HPSE2: variants seen among roughly 807,000 people sequenced by gnomAD.
HPSE2 encodes the protein inactive heparanase-2.
Under a neutral mutation model 60.5 loss-of-function variants are expected in HPSE2, and 38 were observed. That is an observed-to-expected ratio of 0.63 (90% CI 0.48 to 0.82). The LOEUF (loss-of-function observed/expected upper bound fraction) is 0.82. Among genes scored for constraint, HPSE2 ranks in the 40% least tolerant of loss-of-function variants. HPSE2 has a pLI of 0.00. For synonymous variants in HPSE2, 295 were observed against 293.2 expected (o/e 1.01, Z -0.06); for missense variants, 713 against 740.4 (o/e 0.96, Z 0.43).
At chr10:98,747,495 G>A (rs1331735412) in intron 3 of HPSE2, among the ~76,000 whole-genome samples, 2 of 152,148 alleles carry the variant, frequency 1.3e-5, no homozygotes, top group Admixed American at 1.3e-4. Context: ...TTTAAGGCAA[G>A]GCAAAATGTA....
chr10:98,871,674 A>G (rs1952736267), intron 3 of HPSE2, among the ~76,000 whole-genome samples: 1 of 152,076 alleles, frequency 6.6e-6, no homozygotes, highest in African/African-American at 2.4e-5. Flanking sequence ...AGAAGGAAGG[A>G]TTTGGACAGG....
At chr10:98,927,228 G>A (rs1276064974) in intron 3 of HPSE2, among the ~76,000 whole-genome samples, 2 of 152,232 alleles carry the variant, frequency 1.3e-5, no homozygotes, top group South Asian at 2.1e-4. Flanking sequence ...CATTATTAAT[G>A]TGTGGGAGTC....
chr10:98,541,415 T>C (rs1943454007), intron 9 of HPSE2, among the ~76,000 whole-genome samples: 1 of 152,166 alleles, frequency 6.6e-6, no homozygotes, highest in South Asian at 2.1e-4. Flanking sequence ...ATTTCTGCAT[T>C]TCCATCTGAG....
intron 9 of HPSE2, among the ~76,000 whole-genome samples, chr10:98,586,507 T>C (rs1027034333): frequency 2.0e-5 from 3 of 152,254 alleles, no homozygotes; most frequent in Non-Finnish European, 4.4e-5. Flanking sequence ...GGAAACTTAA[T>C]ATCAAATTAT....
intron 5 of HPSE2, among the ~76,000 whole-genome samples, chr10:98,703,868 T>C (rs1014752900): frequency 2.0e-5 from 3 of 152,168 alleles, no homozygotes; most frequent in Non-Finnish European, 4.4e-5. Context: ...AAGACAAGGA[T>C]GCCGTCTCTC....
chr10:99,240,197 GAAAAGAAAAGGAAA>G (rs1343104305), upstream of HPSE2, among the ~76,000 whole-genome samples: 5 of 151,300 alleles, frequency 3.3e-5, no homozygotes, highest in African/African-American at 9.7e-5. Context: ...CTCAAAAAAA[GAAAAGAAAAGGAAA>G]AAAAGAAAAG....
rs550388093 is a variant in HPSE2 at position 99,065,643 on chromosome 10, T to C, written c.610+78595A>G. 4.5e-4 allele frequency among the ~76,000 whole-genome samples: 68 copies of C among 152,224 alleles called. 1 individual carries two copies. The highest frequency in any genetic ancestry group is 1.6e-3 in the African/African-American group (65 of 41,526). The stretch of plus-strand genomic sequence containing the variant: ...ATGATAGAGTTAAGACAGAGTGTTA[T>C]GAAAGAGGAGGTCTAATGAAGTACA... On this transcript the variant is annotated intron_variant, in intron 3 of 11. Coordinates refer to ENST00000370552, the MANE Select transcript of HPSE2 (RefSeq NM_021828.5).
intron 10 of HPSE2, among the ~76,000 whole-genome samples, chr10:98,485,816 G>C (rs759418507): frequency 1.3e-5 from 2 of 152,120 alleles, no homozygotes; most frequent in Non-Finnish European, 2.9e-5. Context: ...TGGAGGAGGA[G>C]AGAGCCACAT....
Position 99,117,417 on chromosome 10 carries a change from G to GAAAAAAAAAAAAAAAAAAAAAAA in HPSE2, c.610+26798_610+26820dup, listed in dbSNP as rs1157232317. ...CAGCAAATCCAAGAGTTGTTTTTTTGAAAAAAAAAAAAAAAAAAAAAAAAA... is the reference window on the plus strand; with the variant it reads ...CAGCAAATCCAAGAGTTGTTTTTTTGAAAAAAAAAAAAAAAAAAAAAAAAAAAAAAAAAAAAAAAAAAAAAAAA... On this transcript the variant is annotated intron_variant, in intron 3 of 11. Coordinates refer to ENST00000370552, the MANE Select transcript of HPSE2 (RefSeq NM_021828.5). 2.0e-4 allele frequency among the ~76,000 whole-genome samples: 5 copies of GAAAAAAAAAAAAAAAAAAAAAAA among 24,802 alleles called. 1 individual carries two copies. Among genetic ancestry groups the GAAAAAAAAAAAAAAAAAAAAAAA allele is most frequent in the African/African-American group, 1.0e-3 (4 of 3,830 alleles). 16.3% of individuals were successfully genotyped at this position (24,802 alleles called of 152,430 possible).
intron 4 of HPSE2, among the ~76,000 whole-genome samples, chr10:98,743,477 T>C (rs1235539552): frequency 1.3e-5 from 2 of 152,242 alleles, no homozygotes; most frequent in Non-Finnish European, 2.9e-5. Flanking sequence ...GGTCCTCAAA[T>C]ATATTTGACC....
chr10:98,852,113 ATGTGTGTGTGTGTGTGTGTG>A (rs1555017138), intron 3 of HPSE2, among the ~76,000 whole-genome samples: 5 of 91,928 alleles, frequency 5.4e-5, no homozygotes, highest in Admixed American at 1.1e-4. Flanking sequence ...GTATATTATG[ATGTGTGTGTGTGTGTGTGTG>A]TGTGTGTGTG....
the HPSE2 span, among the ~76,000 whole-genome samples, chr10:99,246,623 T>C: frequency 6.6e-6 from 1 of 152,116 alleles, no homozygotes; most frequent in Non-Finnish European, 1.5e-5. Flanking sequence ...GGAGCGTACC[T>C]TTAGTCCCAA....
Position 98,514,884 on chromosome 10 carries a change from A to G in HPSE2, c.1321-24688T>C, listed in dbSNP as rs999617895. Among the ~76,000 whole-genome samples the G allele has an allele frequency of 2.4e-4, 34 of 143,556 alleles. No homozygotes were observed. The East Asian group carries it at 6.5e-3, about 27-fold the overall frequency. 94.2% of individuals were successfully genotyped at this position (143,556 alleles called of 152,430 possible). A position where few individuals can be genotyped will look rare whatever the true frequency, so the allele number is the denominator to read the frequency against. On this transcript the variant is annotated intron_variant, in intron 9 of 11. Transcript: ENST00000370552. ...CAGGCACCCACCACCACACCCGGCT[A>G]TTTTTTTTTTTGTATTTTTAGCAGA... is the stretch of plus-strand genomic sequence containing the variant.
chr10:99,016,153 G>A lies in HPSE2; in HGVS notation c.610+128085C>T, dbSNP rs376021679. On this transcript the variant is annotated intron_variant, in intron 3 of 11. Transcript: ENST00000370552. ...ATTGTATTGTCTAGGTTGCCTTCCA[G>A]GGATTTTAAAGTTTTGAGTGTTGCA... Among the ~76,000 whole-genome samples the A allele has an allele frequency of 3.4e-4, 51 of 152,206 alleles. 1 individual carries two copies. In the South Asian group the frequency reaches 0.01, roughly 31 times the overall value.
intron 3 of HPSE2, among the ~76,000 whole-genome samples, chr10:99,030,836 C>T (rs1185738524): frequency 1.3e-5 from 2 of 152,094 alleles, no homozygotes; most frequent in African/African-American, 4.8e-5. Context: ...TGCAATAACA[C>T]GGATGAAATG....
At chr10:98,744,664 T>G (rs1949583738) in intron 3 of HPSE2, among the ~76,000 whole-genome samples, 1 of 152,210 alleles carries the variant, frequency 6.6e-6, no homozygotes. Flanking sequence ...TTGCTGATGT[T>G]TGAAAATGGG....
intron 9 of HPSE2, among the ~76,000 whole-genome samples, chr10:98,510,330 C>T (rs1355547626): frequency 6.6e-6 from 1 of 152,158 alleles, no homozygotes; most frequent in African/African-American, 2.4e-5. Flanking sequence ...AGGACTTATG[C>T]CCACCTAGAG....
At position 98,543,934 on chromosome 10, in the gene HPSE2, T is replaced by C. The variant is rs1228443255; in HGVS notation, c.1321-53738A>G. Among the ~76,000 whole-genome samples the C allele has an allele frequency of 5.9e-4, 89 of 150,666 alleles. No homozygotes were observed. The East Asian group carries it at 8.2e-3, about 14-fold the overall frequency. On this transcript the variant is annotated intron_variant, in intron 9 of 11. Coordinates refer to ENST00000370552, the MANE Select transcript of HPSE2 (RefSeq NM_021828.5). ...AGACAGATCAACAAAGACAGAAAGT[T>C]AACAAGGATACCCAGGAATTGAACT...
chr10:98,721,168 G>A (rs1227118686), intron 5 of HPSE2, among the ~76,000 whole-genome samples: 1 of 151,994 alleles, frequency 6.6e-6, no homozygotes, highest in African/African-American at 2.4e-5. Context: ...AAACTAAATA[G>A]GAAAAGTGGT....
Sources: allele counts gnomAD v4.1 joint callset (sites outside exome capture counted in the v4.1 genomes callset), GRCh38; gene constraint gnomAD v4.1.1; transcripts MANE v1.5; gene names NCBI Gene and HGNC (gene_info 2026-07-23, HGNC 2026-07-21).